The following IBTK variants were observed in gnomAD, a reference collection of about 807,000 sequenced individuals.
IBTK encodes the protein BTK-binding protein.
IBTK carries 83 observed loss-of-function variants against 154.9 expected under a neutral mutation model. The observed-to-expected ratio is 0.54, with a 90% CI of 0.45 to 0.64. The LOEUF is 0.64. Ranked by LOEUF, IBTK falls within the 30% of genes least tolerant of loss-of-function variation. The probability of loss-of-function intolerance (pLI) is 0.00; values close to 1 mark genes in which losing one functional copy is unlikely to be tolerated. For missense variants in IBTK, 1,332 were observed against 1,584.6 expected, an observed-to-expected ratio of 0.84 and a Z score of 2.71; for synonymous variants, 515 against 536.1, an observed-to-expected ratio of 0.96 and a Z score of 0.54.
chr6:82,181,188 G>A (rs1414519354), intron 26 of IBTK, among the ~76,000 whole-genome samples: 1 of 152,104 alleles, frequency 6.6e-6, no homozygotes, highest in African/African-American at 2.4e-5. Flanking sequence ...CCAGGGGTTT[G>A]AGACCAGCCT....
rs535806121 is a variant in IBTK at position 82,181,952 on chromosome 6, G to C, written c.3652C>G (p.His1218Asp). ...LLEEKKSVTS[H>D]SSGDHVKKVS... The stretch of plus-strand genomic sequence containing the variant: ...TTTTTGACATGATCGCCTGAACTAT[G>C]GCTAGTAACAGACTTTTTTTCTTCT... The change falls in exon 26 of 29, where the codon CAT (histidine) becomes GAT (aspartate). Residue 1218 changes from histidine to aspartate, a missense_variant. Physicochemically the swap from His to Asp is moderately conservative, Grantham distance 81. Coordinates refer to ENST00000306270, the MANE Select transcript of IBTK (RefSeq NM_015525.4). 2.5e-6 allele frequency: 4 copies of C among 1,603,160 alleles called. No individual in the cohort carries two copies. The South Asian group carries it at 4.5e-5, about 18-fold the overall frequency.
rs1771204515 is a variant in IBTK at position 82,247,579 on chromosome 6, T to G, written c.-375A>C. On this transcript the variant is annotated 5_prime_UTR_variant, in exon 1 of 29. Transcript: ENST00000306270. ...TCCCTCACCAGTCGCTAGATGAAACTGCGCCGGTGGATTCCGCAGGGTCCA... is the reference window on the plus strand; with the variant it reads ...TCCCTCACCAGTCGCTAGATGAAACGGCGCCGGTGGATTCCGCAGGGTCCA... 1 of 398,640 alleles carries G rather than the reference T, an allele frequency of 2.5e-6. No individual in the cohort carries two copies. Among genetic ancestry groups the G allele is most frequent in the Admixed American group, 4.4e-5 (1 of 22,716 alleles). 24.7% of individuals were successfully genotyped at this position (398,640 alleles called of 1,614,324 possible). A position where few individuals can be genotyped will look rare whatever the true frequency, so the allele number is the denominator to read the frequency against.
chr6:82,214,118 G>C (rs893667523), intron 12 of IBTK, 109 bp downstream of exon 12: 5 of 1,090,520 alleles, frequency 4.6e-6, no homozygotes, highest in Non-Finnish European at 5.2e-6. Flanking sequence ...ACCACACCCG[G>C]CTAATTTTTT....
Position 82,191,075 on chromosome 6 carries a change from T to A in IBTK, c.3573A>T (p.Ala1191=). 1 of 1,543,628 alleles carries A rather than the reference T, an allele frequency of 6.5e-7. No individual in the cohort carries two copies. The highest frequency in any genetic ancestry group is 8.7e-7 in the Non-Finnish European group (1 of 1,145,598). ...TPSKAPKPVN[A]WASSLHSVSS... Reference sequence around the variant, plus strand: ...TTTTAATAAAAATAAGAGCATACCATGCATTCACTGGTTTGGGGGCTTTTG... The same window carrying A: ...TTTTAATAAAAATAAGAGCATACCAAGCATTCACTGGTTTGGGGGCTTTTG... The change falls in exon 25 of 29, where the codon GCA becomes GCT. Residue 1191 remains alanine (A), a splice_region_variant and synonymous_variant. Coordinates refer to ENST00000306270, the MANE Select transcript of IBTK (RefSeq NM_015525.4).
intron 9 of IBTK, among the ~76,000 whole-genome samples, chr6:82,219,981 G>T (rs1345517673): frequency 6.6e-6 from 1 of 152,046 alleles, no homozygotes; most frequent in African/African-American, 2.4e-5. Context: ...GGGCTGAGGA[G>T]GGCAGATCAC....
At chr6:82,221,393 C>T (rs1317624806) in intron 8 of IBTK, among the ~76,000 whole-genome samples, 3 of 152,110 alleles carry the variant, frequency 2.0e-5, no homozygotes, top group Non-Finnish European at 2.9e-5. Context: ...TCTATTTTAA[C>T]AGAAAAGACA....
chr6:82,227,166 A>G, intron 5 of IBTK, 26 bp downstream of exon 5: 2 of 1,470,278 alleles, frequency 1.4e-6, no homozygotes, highest in East Asian at 2.3e-5. Flanking sequence ...AAAGTTACCT[A>G]AATAGTGTAA....
At position 82,227,314 on chromosome 6, in the gene IBTK, CAA is replaced by C. The variant is rs1467134926; in HGVS notation, c.544-14_544-13del. On this transcript the variant is annotated splice_polypyrimidine_tract_variant and intron_variant, in intron 4 of 28. Coordinates refer to ENST00000306270, the MANE Select transcript of IBTK (RefSeq NM_015525.4). ...TTACAAAGCACCACCTAAGGGAAAA[CAA>C]GAGAATATTATTAAACTTCTCTGAA... 2.0e-6 allele frequency: 3 copies of C among 1,470,890 alleles called. No individual in the cohort carries two copies. The highest frequency in any genetic ancestry group is 2.8e-6 in the Non-Finnish European group (3 of 1,070,418). The allele number at this position is 1,470,890 out of a possible 1,614,324, so 91.1% of individuals were successfully genotyped here. A position where few individuals can be genotyped will look rare whatever the true frequency, so the allele number is the denominator to read the frequency against.
chr6:82,236,434 T>C (rs1047862994), intron 2 of IBTK, among the ~76,000 whole-genome samples: 1 of 152,194 alleles, frequency 6.6e-6, no homozygotes, highest in Non-Finnish European at 1.5e-5. Context: ...TCTTCCAGAA[T>C]AGTAAGTAAA....
rs1031937748 is a variant in IBTK at position 82,247,718 on chromosome 6, G to A, written c.-514C>T. 2.5e-6 allele frequency: 1 copy of A among 398,310 alleles called. No homozygotes were observed. Among genetic ancestry groups the A allele is most frequent in the Non-Finnish European group, 4.4e-6 (1 of 225,968 alleles). The allele number at this position is 398,310 out of a possible 1,614,324, so 24.7% of individuals were successfully genotyped here. Reference sequence around the variant, plus strand: ...TTCGGCAGGCGGCTGCAATACAGCCGCTACTACAGGAATCGGGAACGGGGA... The same window carrying A: ...TTCGGCAGGCGGCTGCAATACAGCCACTACTACAGGAATCGGGAACGGGGA... On this transcript the variant is annotated 5_prime_UTR_variant, in exon 1 of 29. Transcript: ENST00000306270.
chr6:82,176,748 C>G (rs1582178251), intron 26 of IBTK, among the ~76,000 whole-genome samples: 1 of 152,134 alleles, frequency 6.6e-6, no homozygotes, highest in African/African-American at 2.4e-5. Flanking sequence ...ATCACATTTT[C>G]TAGAACTAAA....
At chr6:82,194,373 A>G (rs1013934038) in intron 23 of IBTK, 106 bp downstream of exon 23, 8 of 862,792 alleles carry the variant, frequency 9.3e-6, no homozygotes, top group East Asian at 3.1e-5. Flanking sequence ...TGCATTAGAA[A>G]TTTATATTAA....
At chr6:82,208,439 C>A (rs1447505428) in intron 16 of IBTK, among the ~76,000 whole-genome samples, 1 of 152,078 alleles carries the variant, frequency 6.6e-6, no homozygotes, top group African/African-American at 2.4e-5. Context: ...ACCAAAAACA[C>A]AAGTAACAAG....
intron 26 of IBTK, among the ~76,000 whole-genome samples, chr6:82,177,813 G>A (rs1008472180): frequency 2.6e-4 from 39 of 152,078 alleles, no homozygotes; most frequent in Admixed American, 5.9e-4. Flanking sequence ...GCCCCACAAA[G>A]TGCTGGGATT....
At position 82,195,271 on chromosome 6, in the gene IBTK, A is replaced by G. The variant is rs113525834; in HGVS notation, c.3175-629T>C. ...TAAATTGCCCCCAAACTTCTATCCTATATTTTAAAAAAAATCAATCCTGGC... is the reference window on the plus strand; with the variant it reads ...TAAATTGCCCCCAAACTTCTATCCTGTATTTTAAAAAAAATCAATCCTGGC... On this transcript the variant is annotated intron_variant, in intron 22 of 28. Coordinates refer to ENST00000306270, the MANE Select transcript of IBTK (RefSeq NM_015525.4). 3.0e-3 allele frequency among the ~76,000 whole-genome samples: 453 copies of G among 152,172 alleles called. 5 individuals carry two copies. The highest frequency in any genetic ancestry group is 0.011 in the African/African-American group (443 of 41,510).
At chr6:82,177,511 C>CA (rs1261691581) in intron 26 of IBTK, among the ~76,000 whole-genome samples, 1 of 152,134 alleles carries the variant, frequency 6.6e-6, no homozygotes, top group Non-Finnish European at 1.5e-5. Context: ...CTCCTGGGTT[C>CA]AAGCAATTTT....
chr6:82,175,032 C>T (rs763753192), intron 26 of IBTK: 2 of 456,054 alleles, frequency 4.4e-6, no homozygotes, highest in South Asian at 1.5e-5. Flanking sequence ...GCATCACACA[C>T]TGTTATTATT....
chr6:82,233,152 T>C (rs1442992941), intron 3 of IBTK, among the ~76,000 whole-genome samples: 29 of 107,894 alleles, frequency 2.7e-4, no homozygotes, highest in Non-Finnish European at 4.2e-4. Context: ...AGCGAAACTG[T>C]CTCAAAAAAA....
rs1360208738 is a variant in IBTK, at chr6:82,225,461, A to G, written c.825+16T>C. 2.5e-6 allele frequency: 4 copies of G among 1,593,388 alleles called. No individual in the cohort carries two copies. The highest frequency in any genetic ancestry group is 3.4e-6 in the Non-Finnish European group (4 of 1,171,356). ...TGCAAATGTAAAACCTTATTATTTAAAAGAGTAAAGCTTACCTGTCTGGGT... is the reference window on the plus strand; with the variant it reads ...TGCAAATGTAAAACCTTATTATTTAGAAGAGTAAAGCTTACCTGTCTGGGT... On this transcript the variant is annotated intron_variant, in intron 6 of 28. Transcript: ENST00000306270.
Sources: allele counts gnomAD v4.1 joint callset (sites outside exome capture counted in the v4.1 genomes callset), GRCh38; gene constraint gnomAD v4.1.1; transcripts MANE v1.5; gene names NCBI Gene and HGNC (gene_info 2026-07-23, HGNC 2026-07-21).